Variants in LRP1B observed in about 807,000 individuals in gnomAD.
The protein encoded by LRP1B is LDL receptor related protein 1B.
In LRP1B, 217 loss-of-function variants were observed where a neutral mutation model predicts 556.6. The ratio of observed to expected loss-of-function variants is 0.39; its 90% CI spans 0.35 to 0.44. The LOEUF is 0.44. Ranked by LOEUF, LRP1B falls within the 20% of genes least tolerant of loss-of-function variation. The probability of loss-of-function intolerance (pLI) is 1.00; values close to 1 mark genes in which losing one functional copy is unlikely to be tolerated. For synonymous variants in LRP1B, 2,047 were observed against 1,865.8 expected, an observed-to-expected ratio of 1.10 and a Z score of -2.50; for missense variants, 5,053 against 5,620.8, an observed-to-expected ratio of 0.90 and a Z score of 3.23.
intron 27 of LRP1B, among the ~76,000 whole-genome samples, chr2:140,853,021 C>A (rs1254647963): frequency 1.3e-5 from 2 of 151,926 alleles, no homozygotes; most frequent in Admixed American, 1.3e-4. Flanking sequence ...CAACCATGTC[C>A]CCTTGCTCAA....
intron 2 of LRP1B, among the ~76,000 whole-genome samples, chr2:141,699,940 C>T (rs897333060): frequency 6.7e-6 from 1 of 149,998 alleles, no homozygotes; most frequent in African/African-American, 2.5e-5. Flanking sequence ...TGCTGATTTA[C>T]TCTGTGTTAA....
chr2:140,623,873 T>G, intron 41 of LRP1B, among the ~76,000 whole-genome samples: 1 of 150,046 alleles, frequency 6.7e-6, no homozygotes, highest in South Asian at 2.1e-4. Flanking sequence ...GAGTCGAGAT[T>G]CTGCCACTGC....
chr2:141,458,188 G>C (rs2105035744), intron 3 of LRP1B, among the ~76,000 whole-genome samples: 1 of 152,184 alleles, frequency 6.6e-6, no homozygotes, highest in Non-Finnish European at 1.5e-5. Context: ...TTTAGCCGAG[G>C]CTTCTATAAT....
At chr2:141,319,562 A>G (rs34720410) in intron 3 of LRP1B, among the ~76,000 whole-genome samples, 7,470 of 152,090 alleles carry the variant, frequency 0.049, 600 homozygotes, top group African/African-American at 0.17. Context: ...GAGGCTGCTT[A>G]GTAAGCAAAA....
intron 21 of LRP1B, among the ~76,000 whole-genome samples, chr2:140,917,891 T>G (rs1217829740): frequency 6.6e-6 from 1 of 152,092 alleles, no homozygotes; most frequent in African/African-American, 2.4e-5. Flanking sequence ...TTATAACAAA[T>G]GTACCACTTT....
intron 35 of LRP1B, among the ~76,000 whole-genome samples, chr2:140,728,968 A>G (rs1687686867): frequency 6.6e-6 from 1 of 152,086 alleles, no homozygotes; most frequent in Non-Finnish European, 1.5e-5. Context: ...CATAAACTTT[A>G]AAATATAAAG....
chr2:140,983,697 T>C (rs1200842703), intron 17 of LRP1B, among the ~76,000 whole-genome samples: 2 of 152,130 alleles, frequency 1.3e-5, no homozygotes, highest in African/African-American at 2.4e-5. Flanking sequence ...CTTGGTTTGA[T>C]ACATTAGATT....
chr2:140,286,020 T>C (rs1250483970), intron 84 of LRP1B, among the ~76,000 whole-genome samples: 1 of 151,920 alleles, frequency 6.6e-6, no homozygotes, highest in Non-Finnish European at 1.5e-5. Context: ...CTACCTGACA[T>C]ATAACATGTT....
intron 2 of LRP1B, among the ~76,000 whole-genome samples, chr2:141,701,695 C>T (rs1235472717): frequency 2.6e-5 from 4 of 151,802 alleles, no homozygotes; most frequent in Admixed American, 1.3e-4. Context: ...ATTTTCAAAA[C>T]GAATCTACAG....
At chr2:140,997,315 A>C (rs1292675838) in intron 15 of LRP1B, among the ~76,000 whole-genome samples, 1 of 151,936 alleles carries the variant, frequency 6.6e-6, no homozygotes, top group African/African-American at 2.4e-5. Flanking sequence ...TTTGGCAAAA[A>C]CTGGCTGGAG....
intron 3 of LRP1B, among the ~76,000 whole-genome samples, chr2:141,316,993 G>A (rs1383341763): frequency 6.6e-6 from 1 of 152,172 alleles, no homozygotes. Flanking sequence ...AAAGGGAATT[G>A]TAGAGTTTAT....
chr2:140,716,614 T>C, intron 36 of LRP1B, 68 bp downstream of exon 36: 2 of 1,463,572 alleles, frequency 1.4e-6, no homozygotes, highest in South Asian at 2.8e-5. Context: ...AAAAGATTTT[T>C]TATGAAGCAG....
chr2:141,454,651 G>A (rs1282479144), intron 3 of LRP1B, among the ~76,000 whole-genome samples: 1 of 76,754 alleles, frequency 1.3e-5, no homozygotes, highest in Non-Finnish European at 2.6e-5. Context: ...CCTCTTGCAT[G>A]TCAGGAAAGC....
At chr2:140,839,969 G>A (rs1278894513) in intron 31 of LRP1B, 22 bp downstream of exon 31, 1 of 1,475,470 alleles carries the variant, frequency 6.8e-7, no homozygotes, top group Non-Finnish European at 9.4e-7. Context: ...AAAACTTGGT[G>A]ACTATTAAAA....
chr2:140,610,507 A>G (rs528052581), intron 41 of LRP1B, among the ~76,000 whole-genome samples: 2 of 152,350 alleles, frequency 1.3e-5, no homozygotes, highest in South Asian at 2.1e-4. Context: ...GTTTCAGCTA[A>G]TAGCTTTGAA....
intron 3 of LRP1B, among the ~76,000 whole-genome samples, chr2:141,462,124 C>T (rs1391563075): frequency 2.0e-5 from 3 of 152,180 alleles, no homozygotes; most frequent in Non-Finnish European, 4.4e-5. Flanking sequence ...TTCTCTCAGA[C>T]ATACAATGTG....
chr2:140,263,759 G>A (rs1422502996), intron 86 of LRP1B, among the ~76,000 whole-genome samples: 4 of 149,676 alleles, frequency 2.7e-5, no homozygotes, highest in African/African-American at 7.4e-5. Context: ...CAGAAATAAC[G>A]TTAACATCCA....
At chr2:140,964,107 A>AG (rs36068305) in intron 18 of LRP1B, among the ~76,000 whole-genome samples, 56,452 of 151,948 alleles carry the variant, frequency 0.37, 10,817 homozygotes, top group East Asian at 0.51. Context: ...TCCACTGGAC[A>AG]GGGGGCCCTT....
At chr2:140,868,048 A>G (rs2105155557) in intron 26 of LRP1B, 51 bp downstream of exon 26, 1 of 1,529,448 alleles carries the variant, frequency 6.5e-7, no homozygotes. Flanking sequence ...CAATGTTGTA[A>G]ATATTATCTA....
Sources: allele counts gnomAD v4.1 joint callset (sites outside exome capture counted in the v4.1 genomes callset), GRCh38; gene constraint gnomAD v4.1.1; transcripts MANE v1.5; gene names NCBI Gene and HGNC (gene_info 2026-07-23, HGNC 2026-07-21).